Variants in KTN1 observed in about 807,000 individuals in gnomAD.
The protein encoded by KTN1 is kinectin.
In KTN1, 130 loss-of-function variants were observed where a neutral mutation model predicts 222.5. The observed-to-expected ratio is 0.58, with a 90% confidence interval of 0.51 to 0.68. The LOEUF (loss-of-function observed/expected upper bound fraction) is 0.68. Among genes scored for constraint, KTN1 ranks in the 30% least tolerant of loss-of-function variants. The probability of loss-of-function intolerance (pLI) is 0.00; values close to 1 mark genes in which losing one functional copy is unlikely to be tolerated. For synonymous variants in KTN1, 512 were observed against 496.3 expected, an observed-to-expected ratio of 1.03 and a Z score of -0.42; for missense variants, 1,508 against 1,500.4, an observed-to-expected ratio of 1.01 and a Z score of -0.08.
chr14:55,649,887 A>G lies in KTN1; in HGVS notation c.2405+74A>G. 4 of 834,834 alleles carry G rather than the reference A, an allele frequency of 4.8e-6. 1 individual carries two copies. The South Asian group carries it at 4.8e-5, about 10-fold the overall frequency. The allele number at this position is 834,834 out of a possible 1,614,324, so 51.7% of individuals were successfully genotyped here. ...TTTTTTTGTGTGTGCTTAGAAATCT[A>G]GTTTTATTGTGCAGTTGGGACAGCT... On this transcript the variant is annotated intron_variant, in intron 22 of 43. Transcript: ENST00000395314.
chr14:55,651,865 G>A, intron 24 of KTN1, 25 bp from the exon 25 acceptor site: 1 of 1,476,436 alleles, frequency 6.8e-7, no homozygotes, highest in Non-Finnish European at 9.4e-7. Context: ...ATTATTAATT[G>A]ATTTTTCTGT....
intron 5 of KTN1, among the ~76,000 whole-genome samples, chr14:55,622,945 A>G (rs74053635): frequency 1.3e-5 from 2 of 152,216 alleles, no homozygotes; most frequent in East Asian, 1.9e-4. Context: ...AATTTCACCC[A>G]TATGGAGTCT....
rs1363120547 is a variant in KTN1 at position 55,641,742 on chromosome 14, G to C, written c.2154G>C (p.Gln718His). 6.3e-7 allele frequency: 1 copy of C among 1,599,056 alleles called. No individual in the cohort carries two copies. ...KALKSEVQKL[Q>H]TLVSEQPNKD... ...TAAAATCAGAAGTTCAGAAGCTACA[G>C]ACTCTTGTTTCTGAACAGGTAAGGC... is the stretch of plus-strand genomic sequence containing the variant. Residue 718 changes from glutamine to histidine, a missense_variant, in exon 18 of 44, where the codon CAG (glutamine) becomes CAC (histidine). By Grantham distance (24) the Gln-to-His change is conservative (BLOSUM62 0). Transcript: ENST00000395314.
chr14:55,649,329 A>G (rs1035006861), intron 21 of KTN1, among the ~76,000 whole-genome samples: 2 of 150,426 alleles, frequency 1.3e-5, no homozygotes, highest in Non-Finnish European at 3.0e-5. Flanking sequence ...TTTATGAATG[A>G]TAATCAGTAA....
In KTN1 at chr14:55,649,812, G is replaced by A. The variant is rs775870039; in HGVS notation, c.2404G>A (p.Val802Met). ...FASLVEELKK[V>M]IHEKDGKIKS... Reference sequence around the variant, plus strand: ...CTCTCTAGTTGAAGAACTTAAGAAAGTGTAAGTGATAACATTATTATAAAC... The same window carrying A: ...CTCTCTAGTTGAAGAACTTAAGAAAATGTAAGTGATAACATTATTATAAAC... The change falls in exon 22 of 44, where the codon GTG becomes ATG. Residue 802 changes from valine to methionine, a missense_variant and splice_region_variant. Physicochemically the swap from Val to Met is conservative, Grantham distance 21. Coordinates refer to ENST00000395314, the MANE Select transcript of KTN1 (RefSeq NM_001079521.2). 15 of 1,499,232 alleles carry A rather than the reference G, an allele frequency of 1.0e-5. No homozygotes were observed. The highest frequency in any genetic ancestry group is 1.4e-5 in the Non-Finnish European group (15 of 1,090,790). The allele number at this position is 1,499,232 out of a possible 1,614,324, so 92.9% of individuals were successfully genotyped here.
chr14:55,629,929 T>G, intron 6 of KTN1, 28 bp from the exon 7 acceptor site: 1 of 1,459,518 alleles, frequency 6.9e-7, no homozygotes, highest in Non-Finnish European at 9.5e-7. Context: ...AAATAACAAG[T>G]TTTTAAATTT....
rs776741282 is a variant in KTN1 at position 55,639,938 on chromosome 14, A to G, written c.1849A>G (p.Lys617Glu). ...KVIAEKDKQIKQTEDSLASER... is the reference protein window; with the variant it reads ...KVIAEKDKQIEQTEDSLASER... ...GATTGCAGAAAAGGATAAGCAGATA[A>G]AACAGACTGAAGATTCTTTAGCAAG... The change falls in exon 14 of 44, where the codon AAA (lysine) becomes GAA (glutamate). Residue 617 changes from lysine to glutamate, a missense_variant. Physicochemically the swap from Lys to Glu is moderately conservative, Grantham distance 56. Transcript: ENST00000395314. 6.2e-7 allele frequency: 1 copy of G among 1,606,812 alleles called. No homozygotes were observed. Among genetic ancestry groups the G allele is most frequent in the Non-Finnish European group, 8.5e-7 (1 of 1,174,004 alleles).
chr14:55,632,533 G>A (rs1049542325), intron 7 of KTN1, among the ~76,000 whole-genome samples: 1 of 151,962 alleles, frequency 6.6e-6, no homozygotes, highest in African/African-American at 2.4e-5. Flanking sequence ...GGGGCTGCAG[G>A]GAGAGGAATG....
chr14:55,664,024 G>A lies in KTN1; in HGVS notation c.3160G>A (p.Val1054Met). Residue 1054 changes from valine to methionine, a missense_variant, in exon 33 of 44, where the codon GTG (valine) becomes ATG (methionine). Coordinates refer to ENST00000395314, the MANE Select transcript of KTN1 (RefSeq NM_001079521.2). ...ASTEKMLQDKVNKTSKERQQQ... is the reference protein window; with the variant it reads ...ASTEKMLQDKMNKTSKERQQQ... ...AACTGAAAAAATGCTGCAGGACAAA[G>A]TGAACAAGACTTCCAAGGTTGTAAT... 2.5e-6 allele frequency: 4 copies of A among 1,611,150 alleles called. No individual in the cohort carries two copies. Among genetic ancestry groups the A allele is most frequent in the Non-Finnish European group, 2.5e-6 (3 of 1,177,870 alleles).
At chr14:55,631,398 A>G (rs376182289) in intron 7 of KTN1, among the ~76,000 whole-genome samples, 1 of 144,676 alleles carries the variant, frequency 6.9e-6, no homozygotes, top group African/African-American at 2.6e-5. Context: ...ATCATGAGCA[A>G]TGATGTTTTT....
chr14:55,596,442 A>C (rs948534609), intron 1 of KTN1, among the ~76,000 whole-genome samples: 11 of 152,272 alleles, frequency 7.2e-5, no homozygotes, highest in African/African-American at 2.6e-4. Context: ...CTGTCTTTGC[A>C]TGGCTGTTGA....
intron 1 of KTN1, among the ~76,000 whole-genome samples, chr14:55,591,581 CTT>C (rs71131297): frequency 2.6e-4 from 23 of 87,710 alleles, no homozygotes; most frequent in East Asian, 2.0e-3. Flanking sequence ...TTCTCTCTTT[CTT>C]TTTTTTTTTT....
Position 55,608,790 on chromosome 14 carries a change from C to T in KTN1, c.-30-3229C>T, listed in dbSNP as rs879441970. 3.1e-4 allele frequency among the ~76,000 whole-genome samples: 47 copies of T among 151,866 alleles called. 1 individual carries two copies. In the Middle Eastern group the frequency reaches 0.014, roughly 44 times the overall value. Reference sequence around the variant, plus strand: ...GATTACAGGCGCGTACCACCACGCCCGGCTGATTTTTGAATTTTTAGTAGA... The same window carrying T: ...GATTACAGGCGCGTACCACCACGCCTGGCTGATTTTTGAATTTTTAGTAGA... On this transcript the variant is annotated intron_variant, in intron 1 of 43. Transcript: ENST00000395314.
In KTN1 at chr14:55,684,518, G is replaced by C; in HGVS notation, c.*415G>C. 4.8e-6 allele frequency: 1 copy of C among 208,032 alleles called. No individual in the cohort carries two copies. Among genetic ancestry groups the C allele is most frequent in the Non-Finnish European group, 9.8e-6 (1 of 102,360 alleles). The allele number at this position is 208,032 out of a possible 1,614,324, so 12.9% of individuals were successfully genotyped here. The stretch of plus-strand genomic sequence containing the variant: ...CTTCAACTCAAGAAAACACTTTTTT[G>C]TTGCTAATGTAATCGGTTTTTGTAA... On this transcript the variant is annotated 3_prime_UTR_variant, in exon 44 of 44. Transcript: ENST00000395314.
intron 1 of KTN1, among the ~76,000 whole-genome samples, chr14:55,611,556 A>G (rs2037577215): frequency 6.6e-6 from 1 of 151,912 alleles, no homozygotes; most frequent in Non-Finnish European, 1.5e-5. Flanking sequence ...CTGTAAATAA[A>G]CCACCTCTTT....
Position 55,582,355 on chromosome 14 carries a change from C to T in KTN1, c.-31+2001C>T, listed in dbSNP as rs147889256. Among the ~76,000 whole-genome samples, 63 of 152,072 alleles carry T rather than the reference C, an allele frequency of 4.1e-4. No individual in the cohort carries two copies. The East Asian group carries it at 9.9e-3, about 24-fold the overall frequency. The stretch of plus-strand genomic sequence containing the variant: ...TTTAATCTGCTTTTGGTAGGGAGAT[C>T]GTTTTAATAATTATATTTTTAATAT... On this transcript the variant is annotated intron_variant, in intron 1 of 43. Transcript: ENST00000395314.
chr14:55,586,913 T>G (rs768828884), intron 1 of KTN1, among the ~76,000 whole-genome samples: 1 of 152,184 alleles, frequency 6.6e-6, no homozygotes, highest in Non-Finnish European at 1.5e-5. Context: ...TGTGATCTTA[T>G]AGACATTTCT....
At chr14:55,682,525 T>C (rs748753981) in intron 43 of KTN1, 1 of 152,168 alleles carries the variant, frequency 6.6e-6, no homozygotes, top group Non-Finnish European at 1.5e-5. Flanking sequence ...TAGAATCCTG[T>C]TGAGGGAGGA....
At chr14:55,617,624 T>G (rs2038568558) in intron 3 of KTN1, among the ~76,000 whole-genome samples, 1 of 152,184 alleles carries the variant, frequency 6.6e-6, no homozygotes, top group Non-Finnish European at 1.5e-5. Flanking sequence ...ACTAATAGTT[T>G]TCCTTGAGCA....
Sources: gnomAD v4.1 joint callset for allele counts (sites outside exome capture counted in the v4.1 genomes callset) on GRCh38, gnomAD v4.1.1 for gene constraint, MANE v1.5 for transcripts, NCBI Gene and HGNC (gene_info 2026-07-23, HGNC 2026-07-21) for gene names.